The following EVI2B variants were observed in gnomAD, a reference collection of about 807,000 sequenced individuals.
EVI2B encodes protein EVI2B.
In EVI2B, 4 loss-of-function variants were observed where a neutral mutation model predicts 6.6. The ratio of observed to expected loss-of-function variants is 0.61; its 90% CI spans 0.30 to 1.39. The LOEUF (loss-of-function observed/expected upper bound fraction) is 1.39, where lower values mean the gene tolerates loss of function less well. EVI2B is among the 40% of genes most tolerant of loss of function. EVI2B has a pLI of 0.08. For missense variants in EVI2B, 484 were observed against 516.6 expected (o/e 0.94, Z 0.61); for synonymous variants, 181 against 186.8 (o/e 0.97, Z 0.25).
At chr17:31,311,257 A>G (rs1458379148) in intron 1 of EVI2B, among the ~76,000 whole-genome samples, 1 of 152,128 alleles carries the variant, frequency 6.6e-6, no homozygotes, top group Non-Finnish European at 1.5e-5. Context: ...CCGGCCATAG[A>G]CATGTTCTTA....
chr17:31,310,401 GA>G (rs959228135), intron 1 of EVI2B, among the ~76,000 whole-genome samples: 3 of 151,288 alleles, frequency 2.0e-5, no homozygotes, highest in African/African-American at 7.3e-5. Context: ...AGGCAGTGTA[GA>G]TGATTGAAGT....
At chr17:31,305,968 G>A (rs1430703534) in intron 1 of EVI2B, among the ~76,000 whole-genome samples, 1 of 152,056 alleles carries the variant, frequency 6.6e-6, no homozygotes, top group Non-Finnish European at 1.5e-5. Flanking sequence ...AAAACGCATA[G>A]GCTCTATATG....
intron 1 of EVI2B, among the ~76,000 whole-genome samples, chr17:31,311,479 A>G (rs1217836233): frequency 6.6e-6 from 1 of 152,200 alleles, no homozygotes. Flanking sequence ...TAGCAGTAGT[A>G]TTATCTCTAA....
chr17:31,313,131 A>T (rs996530510), intron 1 of EVI2B, among the ~76,000 whole-genome samples: 2 of 152,140 alleles, frequency 1.3e-5, no homozygotes, highest in African/African-American at 4.8e-5. Context: ...AAGCATGTAT[A>T]ATAATAATAG....
chr17:31,307,879 C>T, intron 1 of EVI2B: 1 of 1,288,116 alleles, frequency 7.8e-7, no homozygotes, highest in South Asian at 1.2e-5. Context: ...AAAGGTTTTA[C>T]AAATTACCTT....
chr17:31,313,758 G>C (rs1354077921), intron 1 of EVI2B, among the ~76,000 whole-genome samples: 1 of 139,328 alleles, frequency 7.2e-6, no homozygotes, highest in East Asian at 2.0e-4. Flanking sequence ...GTGTGTGTGT[G>C]AGATTAAATA....
In EVI2B at chr17:31,304,508, T is replaced by C. The variant is rs758808827; in HGVS notation, c.1102A>G (p.Asn368Asp). ...GATGGAGGGAGACTAGTAGAATCATTTGGAAGAGGAGATACAATTGTCATT... is the reference window on the plus strand; with the variant it reads ...GATGGAGGGAGACTAGTAGAATCATCTGGAAGAGGAGATACAATTGTCATT... ...PTMTIVSPLP[N>D]DSTSLPPSLD... Residue 368 changes from asparagine to aspartate, a missense_variant, in exon 2 of 2, where the codon AAT becomes GAT. Asn to Asp is a conservative substitution (Grantham distance 23). Coordinates refer to ENST00000330927, the MANE Select transcript of EVI2B (RefSeq NM_006495.4). 3 of 1,614,158 alleles carry C rather than the reference T, an allele frequency of 1.9e-6. No homozygotes were observed. Among genetic ancestry groups the C allele is most frequent in the South Asian group, 1.1e-5 (1 of 91,082 alleles).
chr17:31,313,026 T>A (rs532700645), intron 1 of EVI2B, among the ~76,000 whole-genome samples: 1 of 152,318 alleles, frequency 6.6e-6, no homozygotes, highest in East Asian at 1.9e-4. Flanking sequence ...CATGTTTGAT[T>A]ATTGACTAAC....
intron 1 of EVI2B, chr17:31,307,913 C>G: frequency 3.1e-6 from 4 of 1,289,182 alleles, no homozygotes; most frequent in Non-Finnish European, 4.0e-6. Flanking sequence ...AACAGCATAT[C>G]ATTGCTTACT....
chr17:31,312,894 C>T (rs2063338447), intron 1 of EVI2B, among the ~76,000 whole-genome samples: 2 of 152,092 alleles, frequency 1.3e-5, no homozygotes, highest in Admixed American at 1.3e-4. Context: ...CCACAGCAAG[C>T]ATCTTTTATG....
chr17:31,306,419 T>A (rs1006364449), intron 1 of EVI2B, among the ~76,000 whole-genome samples: 7 of 152,180 alleles, frequency 4.6e-5, no homozygotes, highest in African/African-American at 1.2e-4. Flanking sequence ...GACATAGATA[T>A]AGATATAAAT....
At position 31,313,975 on chromosome 17, in the gene EVI2B, T is replaced by C. The variant is rs1367007867; in HGVS notation, c.-22+4A>G. 1 of 397,998 alleles carries C rather than the reference T, an allele frequency of 2.5e-6. No homozygotes were observed. The highest frequency in any genetic ancestry group is 2.1e-5 in the African/African-American group (1 of 48,620). 24.7% of individuals were successfully genotyped at this position (397,998 alleles called of 1,614,324 possible). A position where few individuals can be genotyped will look rare whatever the true frequency, so the allele number is the denominator to read the frequency against. Reference sequence around the variant, plus strand: ...CAAACCAAATTGTGTGAAAATTTTCTTACCTCAGCTGTTAACTTCTTTTGC... The same window carrying C: ...CAAACCAAATTGTGTGAAAATTTTCCTACCTCAGCTGTTAACTTCTTTTGC... On this transcript the variant is annotated splice_donor_region_variant and intron_variant, in intron 1 of 1. Transcript: ENST00000330927.
chr17:31,304,435 A>T lies in EVI2B; in HGVS notation c.1175T>A (p.Ile392Lys). ...QDCGDHKSEI[I>K]QSFPPLDSLN... ...TGAGTCAAGCGGTGGAAATGATTGT[A>T]TTATCTCAGATTTATGATCTCCACA... The change falls in exon 2 of 2, where the codon ATA (isoleucine) becomes AAA (lysine). Residue 392 changes from isoleucine (I) to lysine (K), a missense_variant. Physicochemically the swap from Ile to Lys is moderately radical, Grantham distance 102 (BLOSUM62 -3). Transcript: ENST00000330927. 6.2e-7 allele frequency: 1 copy of T among 1,614,172 alleles called. No homozygotes were observed. Among genetic ancestry groups the T allele is most frequent in the East Asian group, 2.2e-5 (1 of 44,884 alleles).
intron 1 of EVI2B, among the ~76,000 whole-genome samples, chr17:31,313,400 T>A (rs1184038087): frequency 6.6e-6 from 1 of 152,114 alleles, no homozygotes; most frequent in African/African-American, 2.4e-5. Context: ...ATTCTAAAAC[T>A]AAGGTTAACA....
At chr17:31,305,677 G>T in intron 1 of EVI2B, 47 bp from the exon 2 acceptor site, 1 of 1,501,342 alleles carries the variant, frequency 6.7e-7, no homozygotes. Flanking sequence ...GGCGTCATTG[G>T]TGTCTAGTTA....
At chr17:31,305,681 C>G (rs541453289) in intron 1 of EVI2B, 51 bp from the exon 2 acceptor site, 2 of 1,495,154 alleles carry the variant, frequency 1.3e-6, no homozygotes, top group Admixed American at 2.3e-5. Flanking sequence ...TCATTGGTGT[C>G]TAGTTAAAAA....
At chr17:31,306,565 A>G (rs1054303724) in intron 1 of EVI2B, among the ~76,000 whole-genome samples, 4 of 152,178 alleles carry the variant, frequency 2.6e-5, no homozygotes, top group African/African-American at 9.7e-5. Context: ...AGAGTCTATT[A>G]GTAATCTTTG....
chr17:31,305,711 T>C (rs1012930421), intron 1 of EVI2B, 81 bp from the exon 2 acceptor site: 35 of 1,210,614 alleles, frequency 2.9e-5, no homozygotes, highest in Non-Finnish European at 4.0e-5. Context: ...TCATTATGAT[T>C]CCTGGCATAA....
Position 31,304,449 on chromosome 17 carries a change from A to G in EVI2B, c.1161T>C (p.His387=), listed in dbSNP as rs771856165. ...LDCLNQDCGD[H]KSEIIQSFPP... ...GAAATGATTGTATTATCTCAGATTT[A>G]TGATCTCCACAGTCTTGATTGAGAC... The change falls in exon 2 of 2, where the codon CAT becomes CAC. Residue 387 remains histidine (H), a synonymous_variant. Coordinates refer to ENST00000330927, the MANE Select transcript of EVI2B (RefSeq NM_006495.4). The G allele has an allele frequency of 6.2e-7, 1 of 1,614,172 alleles. No homozygotes were observed.
Sources: gnomAD v4.1 joint callset for allele counts (sites outside exome capture counted in the v4.1 genomes callset) on GRCh38, gnomAD v4.1.1 for gene constraint, MANE v1.5 for transcripts, NCBI Gene and HGNC (gene_info 2026-07-23, HGNC 2026-07-21) for gene names.